NFAM1: variants seen among roughly 807,000 people sequenced by gnomAD.
NFAM1 encodes the protein NFAT activation molecule 1.
NFAM1 carries 17 observed loss-of-function variants against 29.0 expected under a neutral mutation model. The observed-to-expected ratio is 0.59, with a 90% CI of 0.40 to 0.88. The LOEUF is 0.88. Ranked by LOEUF, NFAM1 falls within the 40% of genes least tolerant of loss-of-function variation. NFAM1 has a pLI of 0.00. For missense variants in NFAM1, 324 were observed against 344.6 expected, an observed-to-expected ratio of 0.94 and a Z score of 0.47; for synonymous variants, 175 against 147.2, an observed-to-expected ratio of 1.19 and a Z score of -1.36.
chr22:42,411,855 T>A, intron 1 of NFAM1, 119 bp from the exon 2 acceptor site: 1 of 682,014 alleles, frequency 1.5e-6, no homozygotes, highest in Non-Finnish European at 2.6e-6. Context: ...TCCAACACTT[T>A]GGGAGGCCGA....
intron 4 of NFAM1, among the ~76,000 whole-genome samples, chr22:42,391,368 G>C (rs1334415180): frequency 6.6e-6 from 1 of 151,854 alleles, no homozygotes; most frequent in Admixed American, 6.6e-5. Context: ...TGGGGGTAGG[G>C]GGACATGGGG....
intron 1 of NFAM1, among the ~76,000 whole-genome samples, chr22:42,421,586 C>A (rs1044547324): frequency 6.6e-6 from 1 of 152,136 alleles, no homozygotes. Flanking sequence ...CTCCCACCAC[C>A]AAGTCATGGG....
upstream of NFAM1, chr22:42,437,127 T>TTTTTTC (rs56139198): frequency 0.17 from 51,826 of 298,372 alleles, 7,296 homozygotes; most frequent in African/African-American, 0.42. Context: ...GGTGGCATGA[T>TTTTTTC]TTTTTCTTTT....
rs6002715 is a variant in NFAM1, at chr22:42,382,319, A to G, written c.*2842T>C. 83,888 of 152,034 alleles carry G rather than the reference A, an allele frequency of 0.55. 25,632 individuals are homozygous for G. Among genetic ancestry groups the G allele is most frequent in the African/African-American group, 0.83 (34,542 of 41,448 alleles). The allele number at this position is 152,034 out of a possible 1,614,324, so 9.4% of individuals were successfully genotyped here. The stretch of plus-strand genomic sequence containing the variant: ...GATCCACCCGCCTCGGCCTCCCAAC[A>G]TGCTGGGATTACAGGCATAAGCCAC... On this transcript the variant is annotated 3_prime_UTR_variant, in exon 6 of 6. Transcript: ENST00000329021.
At chr22:42,403,781 C>T (rs550037014) in intron 3 of NFAM1, among the ~76,000 whole-genome samples, 325 of 152,260 alleles carry the variant, frequency 2.1e-3, no homozygotes, top group African/African-American at 7.4e-3. Flanking sequence ...CTGGCCTTGA[C>T]GAAGAGATGG....
intron 1 of NFAM1, among the ~76,000 whole-genome samples, chr22:42,420,444 C>T (rs1046657607): frequency 6.6e-6 from 1 of 152,044 alleles, no homozygotes; most frequent in Non-Finnish European, 1.5e-5. Context: ...TGCACTCCAG[C>T]CTGGGTGACA....
At chr22:42,401,335 C>A (rs528402126) in intron 3 of NFAM1, among the ~76,000 whole-genome samples, 1 of 152,202 alleles carries the variant, frequency 6.6e-6, no homozygotes, top group Non-Finnish European at 1.5e-5. Flanking sequence ...CAGGCTGGCA[C>A]GGGTGGGGCC....
chr22:42,400,138 G>A (rs5996154), intron 3 of NFAM1, among the ~76,000 whole-genome samples: 215 of 152,372 alleles, frequency 1.4e-3, no homozygotes, highest in African/African-American at 5.1e-3. Flanking sequence ...GTTTCACCAA[G>A]ATATTGACGA....
At chr22:42,394,207 T>G (rs1036494369) in intron 4 of NFAM1, among the ~76,000 whole-genome samples, 1 of 151,616 alleles carries the variant, frequency 6.6e-6, no homozygotes, top group Non-Finnish European at 1.5e-5. Context: ...GGCTAATTTT[T>G]TTGTATTTTT....
rs747337093 is a variant in NFAM1 at position 42,397,866 on chromosome 22, C to T, written c.655G>A (p.Val219Ile). Residue 219 changes from valine to isoleucine, a missense_variant, in exon 4 of 6, where the codon GTC (valine) becomes ATC (isoleucine). Coordinates refer to ENST00000329021, the MANE Select transcript of NFAM1 (RefSeq NM_145912.8). ...SSPKQHPSES[V>I]YTALQRRETE... The stretch of plus-strand genomic sequence containing the variant: ...GGGGCCCCGGGACTCACTGTGTAGA[C>T]AGATTCTGAAGGATGCTGCTTGGGG... 3 of 1,609,892 alleles carry T rather than the reference C, an allele frequency of 1.9e-6. No individual in the cohort carries two copies. Among genetic ancestry groups the T allele is most frequent in the Admixed American group, 1.7e-5 (1 of 59,960 alleles).
chr22:42,431,125 G>A (rs573108501), intron 1 of NFAM1, among the ~76,000 whole-genome samples: 7 of 152,284 alleles, frequency 4.6e-5, no homozygotes, highest in African/African-American at 1.7e-4. Context: ...GCCCAGCTTG[G>A]GGCTGAGGCT....
At chr22:42,386,838 T>C (rs188824955) in intron 5 of NFAM1, 151 bp downstream of exon 5, 140 of 560,024 alleles carry the variant, frequency 2.5e-4, no homozygotes, top group Admixed American at 7.2e-4. Context: ...GCACCAGTCC[T>C]CTTAACCAGC....
At position 42,397,867 on chromosome 22, in the gene NFAM1, A is replaced by C. The variant is rs5996153; in HGVS notation, c.654T>G (p.Ser218=). Residue 218 remains serine, a synonymous_variant, in exon 4 of 6, where the codon TCT becomes TCG. Transcript: ENST00000329021. ...GGGCCCCGGGACTCACTGTGTAGAC[A>C]GATTCTGAAGGATGCTGCTTGGGGC... ...ASSPKQHPSE[S]VYTALQRRET... The C allele has an allele frequency of 6.2e-6, 10 of 1,609,676 alleles. No individual in the cohort carries two copies. In the South Asian group the frequency reaches 1.1e-4, roughly 18 times the overall value.
At chr22:42,405,270 C>T (rs1044602227) in intron 3 of NFAM1, among the ~76,000 whole-genome samples, 1 of 152,200 alleles carries the variant, frequency 6.6e-6, no homozygotes, top group African/African-American at 2.4e-5. Flanking sequence ...CGCCTGGCCC[C>T]GTTCTGTTCC....
intron 1 of NFAM1, among the ~76,000 whole-genome samples, chr22:42,428,134 C>A (rs1458350867): frequency 1.3e-5 from 2 of 152,228 alleles, no homozygotes; most frequent in Non-Finnish European, 2.9e-5. Context: ...CCACAATCTG[C>A]ATCCCACTCC....
intron 4 of NFAM1, among the ~76,000 whole-genome samples, chr22:42,396,322 A>C (rs1003627107): frequency 6.6e-6 from 1 of 152,238 alleles, no homozygotes; most frequent in East Asian, 1.9e-4. Context: ...TGTTCATGAA[A>C]AAAATAGCTG....
upstream of NFAM1, among the ~76,000 whole-genome samples, chr22:42,436,332 G>A (rs1347009191): frequency 1.3e-5 from 2 of 152,196 alleles, no homozygotes; most frequent in Non-Finnish European, 2.9e-5. Flanking sequence ...GAGCCGACCA[G>A]CAGGAGGGAC....
At chr22:42,410,467 T>C in intron 2 of NFAM1, 1 of 382,534 alleles carries the variant, frequency 2.6e-6, no homozygotes, top group Admixed American at 2.9e-5. Context: ...GAGACCAGCC[T>C]GGCCAACATG....
intron 1 of NFAM1, among the ~76,000 whole-genome samples, chr22:42,428,771 G>T (rs116347785): frequency 6.6e-6 from 1 of 152,196 alleles, no homozygotes; most frequent in Admixed American, 6.5e-5. Flanking sequence ...GCCACAGAGA[G>T]GGGACTGACA....
Sources: allele counts gnomAD v4.1 joint callset (sites outside exome capture counted in the v4.1 genomes callset), GRCh38; gene constraint gnomAD v4.1.1; transcripts MANE v1.5; gene names NCBI Gene and HGNC (gene_info 2026-07-23, HGNC 2026-07-21).